Variants in KCNG3 observed in about 807,000 individuals in gnomAD.
KCNG3 encodes potassium voltage-gated channel modifier subfamily G member 3.
In KCNG3, 15 loss-of-function variants were observed where a neutral mutation model predicts 29.0. The observed-to-expected ratio is 0.52, with a 90% CI of 0.35 to 0.80. The LOEUF (loss-of-function observed/expected upper bound fraction) is 0.80. Ranked by LOEUF, KCNG3 falls within the 30% of genes least tolerant of loss-of-function variation. The pLI is 0.01. For synonymous variants in KCNG3, 322 were observed against 248.9 expected (o/e 1.29, Z -2.76); for missense variants, 512 against 605.7 (o/e 0.85, Z 1.62).
rs1672564169 is a variant in KCNG3, at chr2:42,444,943, G to T, written c.666-364C>A. ...CAGCTGGGCTTGGTGACACACACCT[G>T]TAGTACCACCTACCTGGGAGGCTAA... is the stretch of plus-strand genomic sequence containing the variant. On this transcript the variant is annotated intron_variant, in intron 1 of 1. Transcript: ENST00000306078. This position sits in a 1 kb window ranked among gnomAD's most constrained non-coding sequence, Gnocchi z 5.8. Among the ~76,000 whole-genome samples the T allele has an allele frequency of 6.6e-6, 1 of 151,850 alleles. No individual in the cohort carries two copies.
intron 1 of KCNG3, among the ~76,000 whole-genome samples, chr2:42,449,579 ACGATGTTGGCTCACTGCAAC>A (rs1052217502): frequency 7.2e-5 from 10 of 138,954 alleles, no homozygotes; most frequent in Non-Finnish European, 1.2e-4. Flanking sequence ...GCACAGTGGT[ACGATGTTGGCTCACTGCAAC>A]CTCCACCTCC....
At chr2:42,405,852 C>T in the KCNG3 span, among the ~76,000 whole-genome samples, 41 of 152,050 alleles carry the variant, frequency 2.7e-4, no homozygotes, top group Admixed American at 2.0e-3. Context: ...GTGACCTGCC[C>T]GCCTCGGCCT....
intron 1 of KCNG3, among the ~76,000 whole-genome samples, chr2:42,479,767 T>C (rs1382757118): frequency 6.6e-6 from 1 of 152,112 alleles, no homozygotes; most frequent in Non-Finnish European, 1.5e-5. Context: ...TCCCAGCACT[T>C]TGGGAGGCCA....
chr2:42,414,001 T>C, the KCNG3 span, among the ~76,000 whole-genome samples: 5 of 152,224 alleles, frequency 3.3e-5, no homozygotes, highest in Non-Finnish European at 7.3e-5. Flanking sequence ...AACAAAACAA[T>C]GATCTTAACA....
At chr2:42,471,647 T>C (rs1450059582) in intron 1 of KCNG3, among the ~76,000 whole-genome samples, 1 of 151,854 alleles carries the variant, frequency 6.6e-6, no homozygotes, top group Non-Finnish European at 1.5e-5. Flanking sequence ...ATGGATTATA[T>C]CTCAATTTTT....
intron 1 of KCNG3, among the ~76,000 whole-genome samples, chr2:42,456,097 G>A (rs1672868928): frequency 6.6e-6 from 1 of 151,866 alleles, no homozygotes; most frequent in African/African-American, 2.4e-5. Context: ...CACTGAAATA[G>A]AATTTTAAGA....
At chr2:42,413,304 T>C in the KCNG3 span, among the ~76,000 whole-genome samples, 2 of 152,260 alleles carry the variant, frequency 1.3e-5, no homozygotes, top group African/African-American at 2.4e-5. Flanking sequence ...CCCTCATAAA[T>C]AGTATTTTTA....
At chr2:42,467,150 G>C (rs1673161562) in intron 1 of KCNG3, among the ~76,000 whole-genome samples, 1 of 152,048 alleles carries the variant, frequency 6.6e-6, no homozygotes. Context: ...CCAGAAAAAT[G>C]AATCAGACCA....
At chr2:42,425,819 C>T in the KCNG3 span, among the ~76,000 whole-genome samples, 1 of 152,138 alleles carries the variant, frequency 6.6e-6, no homozygotes, top group Non-Finnish European at 1.5e-5. Context: ...ATTGTCACAG[C>T]CAGGAGACAC....
At chr2:42,405,998 C>G in the KCNG3 span, among the ~76,000 whole-genome samples, 1 of 152,044 alleles carries the variant, frequency 6.6e-6, no homozygotes, top group African/African-American at 2.4e-5. Flanking sequence ...CTGCCTCAGC[C>G]TCCCAAAGTG....
downstream of KCNG3, among the ~76,000 whole-genome samples, chr2:42,437,595 A>T (rs376723199): frequency 4.0e-5 from 6 of 151,620 alleles, no homozygotes; most frequent in East Asian, 9.7e-4. Context: ...ATATGGTTTA[A>T]TTTTTTTTTA....
intron 1 of KCNG3, among the ~76,000 whole-genome samples, chr2:42,477,439 T>G (rs1159436819): frequency 3.4e-5 from 4 of 117,810 alleles, no homozygotes; most frequent in Non-Finnish European, 5.5e-5. Flanking sequence ...TTTTTTTTTT[T>G]TTTTTTGAGA....
In KCNG3 at chr2:42,480,159, T is replaced by C. The variant is rs80020953; in HGVS notation, c.665+12678A>G. 3.0e-3 allele frequency among the ~76,000 whole-genome samples: 450 copies of C among 152,350 alleles called. 4 individuals are homozygous for C. Among genetic ancestry groups the C allele is most frequent in the African/African-American group, 9.9e-3 (413 of 41,578 alleles). On this transcript the variant is annotated intron_variant, in intron 1 of 1. Transcript: ENST00000306078. ...ATAAGTTCTAATTATTGTTTAGTAC[T>C]TTGGGGAAATAGAACACTCTGTAAG...
chr2:42,429,109 A>T, the KCNG3 span, among the ~76,000 whole-genome samples: 1 of 151,716 alleles, frequency 6.6e-6, no homozygotes, highest in East Asian at 1.9e-4. Flanking sequence ...ACAGAGCAAG[A>T]CTCCATCTCA....
At chr2:42,397,480 A>T in the KCNG3 span, among the ~76,000 whole-genome samples, 2 of 152,214 alleles carry the variant, frequency 1.3e-5, no homozygotes, top group South Asian at 2.1e-4. Context: ...TTACCTATAC[A>T]TATGCCTATT....
In KCNG3 at chr2:42,443,900, T is replaced by C. The variant is rs758691481; in HGVS notation, c.*34A>G. On this transcript the variant is annotated 3_prime_UTR_variant, in exon 2 of 2. Transcript: ENST00000306078. ...ATATGAAGCAGCATCAAAGTCTTTC[T>C]ATGAAGTGTATGCAAGAATTGATTT... The C allele has an allele frequency of 1.3e-5, 20 of 1,560,360 alleles. No individual in the cohort carries two copies. In the East Asian group the frequency reaches 4.3e-4, roughly 33 times the overall value.
chr2:42,421,634 T>C, the KCNG3 span, among the ~76,000 whole-genome samples: 1 of 152,202 alleles, frequency 6.6e-6, no homozygotes, highest in Non-Finnish European at 1.5e-5. Flanking sequence ...TCTCAGTGTT[T>C]ATTTGGGGCC....
the KCNG3 span, among the ~76,000 whole-genome samples, chr2:42,399,056 C>CTTTTTTT: frequency 2.8e-5 from 3 of 107,632 alleles, no homozygotes; most frequent in African/African-American, 3.7e-5. Context: ...TTTTTCTTTT[C>CTTTTTTT]TTTTTTTTTT....
chr2:42,488,770 G>A (rs1295649841), intron 1 of KCNG3, among the ~76,000 whole-genome samples: 4 of 151,824 alleles, frequency 2.6e-5, no homozygotes, highest in Non-Finnish European at 5.9e-5. Context: ...GGCTGGTCTC[G>A]AACTCCTGAC....
Sources: allele counts gnomAD v4.1 joint callset (sites outside exome capture counted in the v4.1 genomes callset), GRCh38; gene constraint gnomAD v4.1.1; non-coding constraint Gnocchi (gnomAD v3.1); transcripts MANE v1.5; gene names NCBI Gene and HGNC (gene_info 2026-07-23, HGNC 2026-07-21).